Variants in NME7 observed in about 807,000 individuals in gnomAD.
The protein encoded by NME7 is nucleoside diphosphate kinase 7.
Under a neutral mutation model 49.1 loss-of-function variants are expected in NME7, and 41 were observed. The ratio of observed to expected loss-of-function variants is 0.83; its 90% CI spans 0.65 to 1.08. The LOEUF (loss-of-function observed/expected upper bound fraction) is 1.08, where lower values mean the gene tolerates loss of function less well. Ranked by LOEUF, NME7 falls within the 50% of genes least tolerant of loss-of-function variation. NME7 has a pLI of 0.00. For synonymous variants in NME7, 139 were observed against 150.6 expected (o/e 0.92, Z 0.56); for missense variants, 423 against 463.4 (o/e 0.91, Z 0.80).
rs577018487 is a variant in NME7, at chr1:169,240,884, T to C, written c.755-3197A>G. Reference sequence around the variant, plus strand: ...GTTTTCCTTTGTAGTTTATCTTCACTTGGATTTTATCTTTGGCAAAGGCTA... The same window carrying C: ...GTTTTCCTTTGTAGTTTATCTTCACCTGGATTTTATCTTTGGCAAAGGCTA... On this transcript the variant is annotated intron_variant, in intron 7 of 11. Transcript: ENST00000367811. Among the ~76,000 whole-genome samples, 5 of 152,252 alleles carry C rather than the reference T, an allele frequency of 3.3e-5. No individual in the cohort carries two copies. In the South Asian group the frequency reaches 1.0e-3, roughly 32 times the overall value.
At chr1:169,230,662 G>T in intron 10 of NME7, 56 bp downstream of exon 10, 1 of 1,188,086 alleles carries the variant, frequency 8.4e-7, no homozygotes, top group Non-Finnish European at 1.2e-6. Context: ...TTTTAAACCT[G>T]TTAAAATAGT....
intron 11 of NME7, among the ~76,000 whole-genome samples, chr1:169,145,872 TG>T (rs1277407781): frequency 6.6e-6 from 1 of 152,166 alleles, no homozygotes; most frequent in Admixed American, 6.6e-5. Flanking sequence ...GAGCTAAATG[TG>T]GTATAATATG....
intron 1 of NME7, among the ~76,000 whole-genome samples, chr1:169,331,284 T>C (rs35435858): frequency 0.07 from 10,654 of 152,138 alleles, 1,485 homozygotes; most frequent in East Asian, 0.66. Context: ...ATGAAAACTC[T>C]CAAAAAACTG....
At chr1:169,356,279 GT>G (rs1048836927) in intron 1 of NME7, among the ~76,000 whole-genome samples, 5 of 152,068 alleles carry the variant, frequency 3.3e-5, no homozygotes, top group Non-Finnish European at 5.9e-5. Flanking sequence ...AGGCACTATC[GT>G]TAAAATGGCA....
intron 7 of NME7, among the ~76,000 whole-genome samples, chr1:169,277,010 C>T (rs1649762659): frequency 6.6e-6 from 1 of 150,456 alleles, no homozygotes; most frequent in Non-Finnish European, 1.5e-5. Flanking sequence ...GAGTGAGTTT[C>T]TTAATCCTGA....
intron 11 of NME7, among the ~76,000 whole-genome samples, chr1:169,165,959 C>T (rs756380893): frequency 7.2e-5 from 11 of 152,138 alleles, no homozygotes; most frequent in Admixed American, 3.9e-4. Context: ...CTCTAAACCA[C>T]ACAGTCATTA....
chr1:169,309,820 C>T, intron 4 of NME7, 150 bp downstream of exon 4: 1 of 539,762 alleles, frequency 1.9e-6, no homozygotes, highest in Non-Finnish European at 3.2e-6. Flanking sequence ...TAGATGAACT[C>T]CTGTCAGTTC....
intron 8 of NME7, among the ~76,000 whole-genome samples, chr1:169,235,645 T>G (rs1473154752): frequency 6.6e-6 from 1 of 152,128 alleles, no homozygotes; most frequent in African/African-American, 2.4e-5. Flanking sequence ...ATTATACTAT[T>G]GATAGATTAG....
intron 10 of NME7, among the ~76,000 whole-genome samples, chr1:169,200,431 CT>C (rs1217568241): frequency 4.6e-5 from 7 of 152,056 alleles, no homozygotes; most frequent in Non-Finnish European, 1.0e-4. Context: ...TCTTTTTATT[CT>C]GATGTTTTAA....
chr1:169,324,409 T>C lies in NME7; in HGVS notation c.95A>G (p.Asp32Gly). The C allele has an allele frequency of 6.2e-7, 1 of 1,610,772 alleles. No individual in the cohort carries two copies. Among genetic ancestry groups the C allele is most frequent in the East Asian group, 2.2e-5 (1 of 44,808 alleles). The part of the protein sequence containing the change: ...RRYELLFYPG[D>G]GSVEMHDVKN... ...CTTATTTACCATTTCAACAGATCCA[T>C]CCCCTGGGTAAAATAAAAGCTCATA... is the stretch of plus-strand genomic sequence containing the variant. Residue 32 changes from aspartate (D) to glycine (G), a missense_variant, in exon 2 of 12, where the codon GAT (aspartate) becomes GGT (glycine). Coordinates refer to ENST00000367811, the MANE Select transcript of NME7 (RefSeq NM_013330.5).
intron 3 of NME7, among the ~76,000 whole-genome samples, chr1:169,318,898 G>A (rs1327343928): frequency 6.6e-6 from 1 of 152,074 alleles, no homozygotes; most frequent in South Asian, 2.1e-4. Context: ...GGGGGTAGCG[G>A]TGGTGAAGTG....
chr1:169,251,547 C>CT (rs36096137), intron 7 of NME7, among the ~76,000 whole-genome samples: 58,645 of 123,742 alleles, frequency 0.47, 13,341 homozygotes, highest in Non-Finnish European at 0.54. Flanking sequence ...ACTCTGGTTT[C>CT]TTTTTTTTTT....
chr1:169,268,223 C>T (rs1649379900), intron 7 of NME7, among the ~76,000 whole-genome samples: 1 of 133,660 alleles, frequency 7.5e-6, no homozygotes, highest in Admixed American at 7.3e-5. Context: ...AAATGCAAAT[C>T]AAAACCACAG....
chr1:169,246,962 G>T, intron 7 of NME7: 1 of 441,546 alleles, frequency 2.3e-6, no homozygotes, highest in Non-Finnish European at 4.5e-6. Flanking sequence ...TAAGTGAGTA[G>T]AAAATAATAA....
chr1:169,254,615 G>GT (rs1416808912), intron 7 of NME7, among the ~76,000 whole-genome samples: 7 of 148,994 alleles, frequency 4.7e-5, no homozygotes, highest in African/African-American at 9.8e-5. Context: ...GCTTTTGAAT[G>GT]TGTTTGCTCT....
intron 1 of NME7, among the ~76,000 whole-genome samples, chr1:169,357,412 C>A (rs1005759062): frequency 6.6e-6 from 1 of 151,958 alleles, no homozygotes; most frequent in African/African-American, 2.4e-5. Flanking sequence ...AAGTTTGATT[C>A]TAGAAGTGTT....
At chr1:169,344,117 C>A (rs941093615) in intron 1 of NME7, among the ~76,000 whole-genome samples, 1 of 152,140 alleles carries the variant, frequency 6.6e-6, no homozygotes, top group Admixed American at 6.5e-5. Flanking sequence ...GTGTACAATT[C>A]TTTCAGTTAT....
At chr1:169,238,462 C>A (rs1647948937) in intron 7 of NME7, among the ~76,000 whole-genome samples, 1 of 141,150 alleles carries the variant, frequency 7.1e-6, no homozygotes, top group Non-Finnish European at 1.5e-5. Context: ...GTCTCTTACA[C>A]ATACATGCAC....
chr1:169,222,484 T>C (rs892052692), intron 10 of NME7, among the ~76,000 whole-genome samples: 4 of 152,190 alleles, frequency 2.6e-5, no homozygotes, highest in African/African-American at 9.7e-5. Flanking sequence ...ATGAAATCTG[T>C]TTAAAAAGTA....
Sources: allele counts gnomAD v4.1 joint callset (sites outside exome capture counted in the v4.1 genomes callset), GRCh38; gene constraint gnomAD v4.1.1; transcripts MANE v1.5; gene names NCBI Gene and HGNC (gene_info 2026-07-23, HGNC 2026-07-21).